POC1B: variants seen among roughly 807,000 people sequenced by gnomAD.
POC1B encodes the protein POC1 centriolar protein B.
In POC1B, 44 loss-of-function variants were observed where a neutral mutation model predicts 60.6. The observed-to-expected ratio is 0.73, with a 90% CI of 0.57 to 0.93. POC1B has a LOEUF of 0.93. Ranked by LOEUF, POC1B falls within the 40% of genes least tolerant of loss-of-function variation. The probability of loss-of-function intolerance (pLI) is 0.00; values close to 1 mark genes in which losing one functional copy is unlikely to be tolerated. For synonymous variants in POC1B, 180 were observed against 198.9 expected (o/e 0.90, Z 0.80); for missense variants, 555 against 572.3 (o/e 0.97, Z 0.31).
At position 89,524,096 on chromosome 12, in the gene POC1B, G is replaced by A. The variant is rs1871190745; in HGVS notation, c.100+1024C>T. The A allele has an allele frequency of 3.1e-6, 5 of 1,614,030 alleles. No individual in the cohort carries two copies. In the African/African-American group the frequency reaches 6.7e-5, roughly 22 times the overall value. Reference sequence around the variant, plus strand: ...TCTAAAACACTGTGAATGGTACGGAGCAAAGTCGACCAGGCTTCGTTATAG... The same window carrying A: ...TCTAAAACACTGTGAATGGTACGGAACAAAGTCGACCAGGCTTCGTTATAG... On this transcript the variant is annotated intron_variant, in intron 2 of 11. Transcript: ENST00000313546.
At chr12:89,505,706 C>T (rs1265622310) in intron 2 of POC1B, among the ~76,000 whole-genome samples, 1 of 152,116 alleles carries the variant, frequency 6.6e-6, no homozygotes, top group East Asian at 1.9e-4. Flanking sequence ...ATGATTTGTG[C>T]AATTTTTGGA....
chr12:89,406,415 T>A, the POC1B span, among the ~76,000 whole-genome samples: 1 of 152,178 alleles, frequency 6.6e-6, no homozygotes, highest in Non-Finnish European at 1.5e-5. Context: ...TCTTTCTTCT[T>A]TTCCACTTGA....
chr12:89,402,234 A>G, the POC1B span, among the ~76,000 whole-genome samples: 1 of 152,120 alleles, frequency 6.6e-6, no homozygotes, highest in Non-Finnish European at 1.5e-5. Flanking sequence ...GTTATTCCCC[A>G]CAGCTATTCT....
intron 4 of POC1B, among the ~76,000 whole-genome samples, chr12:89,484,621 A>G (rs1429524167): frequency 1.3e-5 from 2 of 152,238 alleles, no homozygotes; most frequent in Non-Finnish European, 2.9e-5. Flanking sequence ...CATTGTACTC[A>G]TTTTATATGA....
chr12:89,452,375 A>G lies in POC1B; in HGVS notation c.1113+7263T>C, dbSNP rs994182545. On this transcript the variant is annotated intron_variant, in intron 10 of 11. Coordinates refer to ENST00000313546, the MANE Select transcript of POC1B (RefSeq NM_172240.3). ...AAAAGTATTTATTGGGCTCCCAAATAGCATGATTTATAAATCCTTTTGTAA... is the reference window on the plus strand; with the variant it reads ...AAAAGTATTTATTGGGCTCCCAAATGGCATGATTTATAAATCCTTTTGTAA... 1.3e-5 allele frequency among the ~76,000 whole-genome samples: 2 copies of G among 152,182 alleles called. 1 individual carries two copies. The highest frequency in any genetic ancestry group is 2.9e-5 in the Non-Finnish European group (2 of 68,026).
At chr12:89,459,788 C>A in intron 9 of POC1B, 70 bp from the exon 10 acceptor site, 1 of 846,626 alleles carries the variant, frequency 1.2e-6, no homozygotes, top group South Asian at 2.4e-5. Context: ...TTTGTAAAAA[C>A]CTGGAGGGCA....
chr12:89,490,593 C>T (rs1451161684), intron 4 of POC1B, among the ~76,000 whole-genome samples: 1 of 152,200 alleles, frequency 6.6e-6, no homozygotes, highest in East Asian at 1.9e-4. Flanking sequence ...GATCCACCCA[C>T]CTTGGCCTCA....
At chr12:89,478,411 G>A (rs146263687) in intron 4 of POC1B, among the ~76,000 whole-genome samples, 165 of 152,140 alleles carry the variant, frequency 1.1e-3, no homozygotes, top group African/African-American at 3.7e-3. Flanking sequence ...TAAACACCAC[G>A]CCTGGCCCCA....
At chr12:89,484,223 CAT>C (rs914232266) in intron 4 of POC1B, among the ~76,000 whole-genome samples, 22 of 152,082 alleles carry the variant, frequency 1.4e-4, no homozygotes, top group African/African-American at 4.8e-4. Flanking sequence ...AAGAAATAAA[CAT>C]GTGGGACAAA....
chr12:89,447,929 G>A (rs1156603856), intron 10 of POC1B, among the ~76,000 whole-genome samples: 3 of 151,920 alleles, frequency 2.0e-5, no homozygotes, highest in Admixed American at 6.6e-5. Flanking sequence ...GAGGAGCCCT[G>A]AACATGGAGC....
At chr12:89,492,206 G>A in intron 3 of POC1B, 91 bp from the exon 4 acceptor site, 5 of 1,069,182 alleles carry the variant, frequency 4.7e-6, no homozygotes, top group Non-Finnish European at 6.3e-6. Flanking sequence ...ATATAAAATA[G>A]TTTAAATAAA....
chr12:89,437,973 C>G (rs1392768515), intron 10 of POC1B, among the ~76,000 whole-genome samples: 1 of 151,396 alleles, frequency 6.6e-6, no homozygotes, highest in Non-Finnish European at 1.5e-5. Flanking sequence ...CTTGCTCAAA[C>G]CTGGGAGGCG....
intron 10 of POC1B, among the ~76,000 whole-genome samples, chr12:89,437,606 C>T (rs1052765582): frequency 6.6e-6 from 1 of 151,650 alleles, no homozygotes; most frequent in Non-Finnish European, 1.5e-5. Flanking sequence ...ACCCCCCCAC[C>T]CCCACCATAT....
chr12:89,437,161 T>C (rs984180529), intron 10 of POC1B, among the ~76,000 whole-genome samples: 3 of 152,164 alleles, frequency 2.0e-5, no homozygotes, highest in African/African-American at 4.8e-5. Flanking sequence ...ACTATTACAA[T>C]AGCCTCCTAA....
chr12:89,413,931 G>A, the POC1B span, among the ~76,000 whole-genome samples: 15 of 150,784 alleles, frequency 9.9e-5, no homozygotes, highest in East Asian at 1.9e-4. Context: ...TTGCTTTGTC[G>A]CCCAGGCTGG....
At chr12:89,486,389 G>A (rs1868632684) in intron 4 of POC1B, among the ~76,000 whole-genome samples, 1 of 152,202 alleles carries the variant, frequency 6.6e-6, no homozygotes, top group Non-Finnish European at 1.5e-5. Context: ...AAGGAAGGGT[G>A]GAAGCAGGGG....
At chr12:89,419,242 T>C (rs78187530), downstream of POC1B, among the ~76,000 whole-genome samples, 1,924 of 151,920 alleles carry the variant, frequency 0.013, 52 homozygotes, top group African/African-American at 0.044. Flanking sequence ...GAGACGCTGA[T>C]CAGGCAGCTG....
intron 2 of POC1B, chr12:89,500,057 C>G (rs1869472810): frequency 1.6e-6 from 2 of 1,255,424 alleles, no homozygotes; most frequent in Admixed American, 2.0e-5. Context: ...TGGGCTTCCA[C>G]CTCAGACACC....
chr12:89,412,435 T>G, the POC1B span, among the ~76,000 whole-genome samples: 16 of 151,842 alleles, frequency 1.1e-4, no homozygotes, highest in African/African-American at 3.9e-4. Context: ...TCCCAGCACT[T>G]TGGGAGGCCA....
Sources: gnomAD v4.1 joint callset for allele counts (sites outside exome capture counted in the v4.1 genomes callset) on GRCh38, gnomAD v4.1.1 for gene constraint, MANE v1.5 for transcripts, NCBI Gene and HGNC (gene_info 2026-07-23, HGNC 2026-07-21) for gene names.